Variants in MARCHF5 observed in about 807,000 individuals in gnomAD.
MARCHF5 encodes membrane associated ring-CH-type finger 5.
A neutral mutation model predicts 36.5 loss-of-function variants in MARCHF5; 5 were observed. The ratio of observed to expected loss-of-function variants is 0.14; its 90% CI spans 0.07 to 0.29. The LOEUF (loss-of-function observed/expected upper bound fraction) is 0.29. Ranked by LOEUF, MARCHF5 falls within the 10% of genes least tolerant of loss-of-function variation. The pLI is 1.00. For missense variants in MARCHF5, 179 were observed against 336.3 expected (o/e 0.53, Z 3.66); for synonymous variants, 103 against 109.9 (o/e 0.94, Z 0.39).
intron 1 of MARCHF5, 147 bp downstream of exon 1, chr10:92,291,676 G>A (rs1022352442): frequency 8.0e-7 from 1 of 1,252,264 alleles, no homozygotes; most frequent in Non-Finnish European, 1.1e-6. Context: ...AAAAAGTTTG[G>A]AGTCTAGACC....
chr10:92,304,336 CAT>C (rs1034707619), intron 1 of MARCHF5, among the ~76,000 whole-genome samples: 2 of 152,174 alleles, frequency 1.3e-5, no homozygotes, highest in Non-Finnish European at 2.9e-5. Flanking sequence ...TTCTTAATCA[CAT>C]GTTTAATCTT....
chr10:92,301,106 T>TGAACTCCTGGTCTC (rs1843006759), intron 1 of MARCHF5, among the ~76,000 whole-genome samples: 1 of 152,048 alleles, frequency 6.6e-6, no homozygotes, highest in African/African-American at 2.4e-5. Flanking sequence ...AGGCTGGCCT[T>TGAACTCCTGGTCTC]GAACTCCTGG....
chr10:92,293,140 TGCAGTG>T (rs769263116), intron 1 of MARCHF5, among the ~76,000 whole-genome samples: 2 of 152,230 alleles, frequency 1.3e-5, no homozygotes, highest in Non-Finnish European at 2.9e-5. Flanking sequence ...CAGACTGGAA[TGCAGTG>T]GCAGTGGCAG....
intron 1 of MARCHF5, among the ~76,000 whole-genome samples, chr10:92,293,499 G>A (rs1047633628): frequency 1.3e-5 from 2 of 151,436 alleles, no homozygotes; most frequent in African/African-American, 2.4e-5. Flanking sequence ...GCCTGGGCAC[G>A]GTGGCTCACC....
intron 2 of MARCHF5, among the ~76,000 whole-genome samples, chr10:92,330,408 C>T (rs534498977): frequency 4.6e-5 from 7 of 152,214 alleles, no homozygotes; most frequent in African/African-American, 1.7e-4. Flanking sequence ...AGGATAACTG[C>T]TCTTTATCAA....
At chr10:92,330,984 C>T (rs1466206184) in intron 2 of MARCHF5, among the ~76,000 whole-genome samples, 1 of 152,140 alleles carries the variant, frequency 6.6e-6, no homozygotes, top group Non-Finnish European at 1.5e-5. Context: ...GGTTACCTTC[C>T]TCAGGGTAAT....
intron 2 of MARCHF5, among the ~76,000 whole-genome samples, chr10:92,336,469 G>T (rs1564952095): frequency 6.6e-6 from 1 of 152,188 alleles, no homozygotes; most frequent in Non-Finnish European, 1.5e-5. Context: ...TCTGAATTTA[G>T]CATACAGGCC....
intron 1 of MARCHF5, among the ~76,000 whole-genome samples, chr10:92,292,244 T>G (rs1432025813): frequency 1.3e-5 from 2 of 152,114 alleles, no homozygotes; most frequent in Non-Finnish European, 2.9e-5. Context: ...TAAAACTCTT[T>G]GTGAAGTCGG....
At chr10:92,325,751 C>T (rs896695089) in intron 2 of MARCHF5, among the ~76,000 whole-genome samples, 4 of 152,162 alleles carry the variant, frequency 2.6e-5, no homozygotes, top group African/African-American at 9.7e-5. Flanking sequence ...GATCTTGGCT[C>T]TCTGCAACCT....
At chr10:92,337,293 A>T (rs973891228) in intron 2 of MARCHF5, among the ~76,000 whole-genome samples, 2 of 152,010 alleles carry the variant, frequency 1.3e-5, no homozygotes, top group Non-Finnish European at 1.5e-5. Flanking sequence ...AGGTGGGCGG[A>T]TCACCTGAAG....
At chr10:92,305,159 A>G (rs1043501652) in intron 1 of MARCHF5, among the ~76,000 whole-genome samples, 2 of 152,206 alleles carry the variant, frequency 1.3e-5, no homozygotes, top group African/African-American at 4.8e-5. Flanking sequence ...CGGTAATCCC[A>G]GCACTTTGGG....
intron 1 of MARCHF5, among the ~76,000 whole-genome samples, chr10:92,294,713 A>G (rs1040343370): frequency 3.3e-5 from 5 of 152,134 alleles, no homozygotes; most frequent in South Asian, 2.1e-4. Context: ...TGTGTGTTAC[A>G]TATTGTTCTG....
intron 2 of MARCHF5, among the ~76,000 whole-genome samples, chr10:92,319,457 G>A (rs1189768763): frequency 2.7e-5 from 4 of 150,552 alleles, no homozygotes; most frequent in Middle Eastern, 3.6e-3. Flanking sequence ...CACCATGCCC[G>A]GCTAATTTTT....
chr10:92,323,202 C>T (rs1843312557), intron 2 of MARCHF5, among the ~76,000 whole-genome samples: 1 of 152,138 alleles, frequency 6.6e-6, no homozygotes, highest in South Asian at 2.1e-4. Context: ...CCACTGCACC[C>T]AGCCCCTCTT....
intron 2 of MARCHF5, among the ~76,000 whole-genome samples, chr10:92,315,283 T>C (rs985738989): frequency 6.6e-6 from 1 of 152,266 alleles, no homozygotes; most frequent in African/African-American, 2.4e-5. Flanking sequence ...TGATAATAAT[T>C]GTTCTTCCTC....
chr10:92,307,175 C>CTGTGTG (rs376178460), intron 1 of MARCHF5, among the ~76,000 whole-genome samples: 2,154 of 121,818 alleles, frequency 0.018, 23 homozygotes, highest in African/African-American at 0.036. Context: ...AAGAAAACAT[C>CTGTGTG]TGTGTGTGTG....
chr10:92,307,554 T>C (rs1326842737), intron 1 of MARCHF5, among the ~76,000 whole-genome samples: 1 of 152,006 alleles, frequency 6.6e-6, no homozygotes, highest in African/African-American at 2.4e-5. Context: ...AAGGAGATCC[T>C]GTCTCTAAAA....
chr10:92,295,864 C>CAT (rs1194751344), intron 1 of MARCHF5, among the ~76,000 whole-genome samples: 4 of 151,474 alleles, frequency 2.6e-5, no homozygotes, highest in Middle Eastern at 3.4e-3. Flanking sequence ...TACATACATA[C>CAT]ATATATATAT....
intron 2 of MARCHF5, among the ~76,000 whole-genome samples, chr10:92,326,071 A>C (rs913421322): frequency 1.3e-5 from 2 of 152,224 alleles, no homozygotes; most frequent in African/African-American, 4.8e-5. Context: ...AGTGGTTGTC[A>C]AATGTTAAGT....
Sources: allele counts gnomAD v4.1 joint callset (sites outside exome capture counted in the v4.1 genomes callset), GRCh38; gene constraint gnomAD v4.1.1; transcripts MANE v1.5; gene names NCBI Gene and HGNC (gene_info 2026-07-23, HGNC 2026-07-21).